Variants in MAK observed in about 807,000 individuals in gnomAD.
The protein encoded by MAK is serine/threonine-protein kinase MAK.
A neutral mutation model predicts 82.6 loss-of-function variants in MAK; 65 were observed. The ratio of observed to expected loss-of-function variants is 0.79; its 90% CI spans 0.64 to 0.97. MAK has a LOEUF of 0.97. Ranked by LOEUF, MAK falls within the 50% of genes least tolerant of loss-of-function variation. MAK has a pLI of 0.00. For missense variants in MAK, 703 were observed against 780.2 expected (o/e 0.90, Z 1.18); for synonymous variants, 250 against 274.2 (o/e 0.91, Z 0.87).
intron 13 of MAK, among the ~76,000 whole-genome samples, chr6:10,770,971 G>A (rs1220476145): frequency 2.0e-4 from 31 of 152,098 alleles, no homozygotes; most frequent in Admixed American, 2.0e-3. Context: ...GGGAAAGAGG[G>A]AAATATAAAC....
chr6:10,824,519 C>CT (rs1778211013), intron 2 of MAK, among the ~76,000 whole-genome samples: 1 of 151,086 alleles, frequency 6.6e-6, no homozygotes, highest in Admixed American at 6.6e-5. Flanking sequence ...TGAACATCCC[C>CT]TTCTCCCACC....
chr6:10,804,039 T>C (rs115447463), intron 6 of MAK, 148 bp from the exon 7 acceptor site: 11 of 704,716 alleles, frequency 1.6e-5, no homozygotes, highest in Non-Finnish European at 2.5e-5. Context: ...ATTTGTACAA[T>C]GTTCTGGGGA....
chr6:10,825,009 G>T (rs1778258543), intron 2 of MAK, among the ~76,000 whole-genome samples: 1 of 152,202 alleles, frequency 6.6e-6, no homozygotes, highest in Non-Finnish European at 1.5e-5. Flanking sequence ...TTGGAAGAGA[G>T]ACCACGTGAC....
chr6:10,825,538 A>G (rs1196920387), intron 2 of MAK, among the ~76,000 whole-genome samples: 5 of 151,668 alleles, frequency 3.3e-5, no homozygotes, highest in Admixed American at 6.6e-5. Context: ...ACCATTCCAA[A>G]TCATTAGCCT....
chr6:10,832,420 G>C (rs939966463), intron 1 of MAK, among the ~76,000 whole-genome samples: 7 of 152,202 alleles, frequency 4.6e-5, no homozygotes, highest in African/African-American at 7.2e-5. Flanking sequence ...TTTATGAAAA[G>C]TCTGTCAATG....
At chr6:10,779,821 A>G (rs1050034773) in intron 11 of MAK, among the ~76,000 whole-genome samples, 10 of 152,182 alleles carry the variant, frequency 6.6e-5, no homozygotes, top group African/African-American at 1.9e-4. Context: ...TGTAGCTGGG[A>G]TTACAGGCAC....
intron 8 of MAK, 117 bp downstream of exon 8, chr6:10,801,775 G>T: frequency 1.1e-6 from 1 of 948,438 alleles, no homozygotes; most frequent in Non-Finnish European, 1.7e-6. Context: ...AGGACTTTGT[G>T]TTTAATTCTC....
Position 10,793,089 on chromosome 6 carries a change from A to C in MAK, c.1144-1242T>G, listed in dbSNP as rs972111769. 2.0e-5 allele frequency among the ~76,000 whole-genome samples: 3 copies of C among 152,196 alleles called. 1 individual carries two copies. The South Asian group carries it at 6.2e-4, about 32-fold the overall frequency. ...TAGAAGATTTATTTTTGCAAACTCC[A>C]CATCAGTAAGTTTGGTAGAGGATGA... On this transcript the variant is annotated intron_variant, in intron 9 of 14. Coordinates refer to ENST00000354489, the MANE Select transcript of MAK (RefSeq NM_001242957.3). The surrounding 1 kb of genome is among the most constrained non-coding windows in gnomAD (Gnocchi z 4.6).
chr6:10,778,195 G>T (rs1773627081), intron 11 of MAK, among the ~76,000 whole-genome samples: 1 of 152,182 alleles, frequency 6.6e-6, no homozygotes, highest in Admixed American at 6.5e-5. Context: ...CGTGGCATTG[G>T]AGAAAAAGTG....
intron 11 of MAK, chr6:10,780,190 A>T: frequency 1.1e-6 from 1 of 886,274 alleles, no homozygotes. Flanking sequence ...AATTCTTTGT[A>T]ATTGAGTTTA....
intron 2 of MAK, among the ~76,000 whole-genome samples, chr6:10,820,847 TAAAAC>T (rs1777890870): frequency 6.6e-6 from 1 of 152,228 alleles, no homozygotes; most frequent in Non-Finnish European, 1.5e-5. Flanking sequence ...GAATTTAAAA[TAAAAC>T]AGAAGCCAAT....
chr6:10,812,338 G>A (rs1777004006), intron 5 of MAK, among the ~76,000 whole-genome samples: 2 of 152,204 alleles, frequency 1.3e-5, no homozygotes, highest in African/African-American at 4.8e-5. Flanking sequence ...TAAACATCTA[G>A]TGATTCTAAA....
At chr6:10,823,565 TG>T (rs1426364811) in intron 2 of MAK, among the ~76,000 whole-genome samples, 1 of 152,218 alleles carries the variant, frequency 6.6e-6, no homozygotes, top group Non-Finnish European at 1.5e-5. Context: ...AGTCTCACTC[TG>T]TTGCCTGGGC....
chr6:10,764,602 A>G lies in MAK; in HGVS notation c.1797T>C (p.Tyr599=). 6.2e-7 allele frequency: 1 copy of G among 1,613,860 alleles called. No homozygotes were observed. The highest frequency in any genetic ancestry group is 1.1e-5 in the South Asian group (1 of 91,076). ...CCCGACCAGTTTTTGTGTTCCAGGT[A>G]TATTCTGAAAGAAATCAGATTTGGA... ...LAPLNATASE[Y]TWNTKTGRGQ... The change falls in exon 15 of 15, where the codon TAT becomes TAC. Residue 599 remains tyrosine, a synonymous_variant. Transcript: ENST00000354489.
At chr6:10,784,649 C>G in intron 10 of MAK, 77 bp from the exon 11 acceptor site, 1 of 1,336,142 alleles carries the variant, frequency 7.5e-7, no homozygotes, top group Non-Finnish European at 1.1e-6. Context: ...ATCTCGCCCA[C>G]CCTCTGCACA....
rs758956117 is a variant in MAK at position 10,791,675 on chromosome 6, C to T, written c.1316G>A (p.Arg439Gln). The stretch of plus-strand genomic sequence containing the variant: ...TTTTCTGAGGAATTTGAAATCTTAC[C>T]GAAATGGAGAATCTTTTTTCCTTTT... ...KEKRKKDSPF[R>Q]LPEPVPSGSN... Residue 439 changes from arginine (R) to glutamine (Q), a missense_variant and splice_region_variant, in exon 10 of 15, where the codon CGG becomes CAG. Coordinates refer to ENST00000354489, the MANE Select transcript of MAK (RefSeq NM_001242957.3). 9.3e-6 allele frequency: 15 copies of T among 1,611,864 alleles called. 1 individual carries two copies. Among genetic ancestry groups the T allele is most frequent in the South Asian group, 5.5e-5 (5 of 90,968 alleles).
In MAK at chr6:10,773,081, T is replaced by G; in HGVS notation, c.1625A>C (p.Lys542Thr). The change falls in exon 13 of 15, where the codon AAA (lysine) becomes ACA (threonine). Residue 542 changes from lysine to threonine, a missense_variant. Lys to Thr is a moderately conservative substitution (Grantham distance 78, BLOSUM62 -1). Coordinates refer to ENST00000354489, the MANE Select transcript of MAK (RefSeq NM_001242957.3). ...AEESIIKPIE[K>T]LSCNETFPEK... is the part of the protein sequence containing the mutation. ...AGGAAAAGTTTCATTGCATGATAGT[T>G]TTTCGATTGGTTTAATTATGCTTTC... The G allele has an allele frequency of 6.5e-7, 1 of 1,528,914 alleles. No homozygotes were observed. Among genetic ancestry groups the G allele is most frequent in the Non-Finnish European group, 8.8e-7 (1 of 1,141,180 alleles). 94.7% of individuals were successfully genotyped at this position (1,528,914 alleles called of 1,614,324 possible).
chr6:10,784,596 A>G, intron 10 of MAK, 24 bp from the exon 11 acceptor site: 9 of 1,613,708 alleles, frequency 5.6e-6, no homozygotes, highest in Non-Finnish European at 7.6e-6. Context: ...GAAAGGTAGC[A>G]TTACAGCACG....
At chr6:10,773,208 A>T (rs540939900) in intron 12 of MAK, 100 bp from the exon 13 acceptor site, 1 of 649,974 alleles carries the variant, frequency 1.5e-6, no homozygotes, top group Admixed American at 3.2e-5. Flanking sequence ...AAGATCCAGA[A>T]AGAGCCCTTA....
Sources: gnomAD v4.1 joint callset for allele counts (sites outside exome capture counted in the v4.1 genomes callset) on GRCh38, gnomAD v4.1.1 for gene constraint, Gnocchi (gnomAD v3.1) non-coding constraint, MANE v1.5 for transcripts, NCBI Gene and HGNC (gene_info 2026-07-23, HGNC 2026-07-21) for gene names.